NBAS: variants seen among roughly 807,000 people sequenced by gnomAD.
The protein encoded by NBAS is NAG/BC035112 fusion.
Under a neutral mutation model 302.5 loss-of-function variants are expected in NBAS, and 219 were observed. That is an observed-to-expected ratio of 0.72 (90% CI 0.65 to 0.81). NBAS has a LOEUF of 0.81. Ranked by LOEUF, NBAS falls within the 30% of genes least tolerant of loss-of-function variation. The probability of loss-of-function intolerance (pLI) is 0.00; values close to 1 mark genes in which losing one functional copy is unlikely to be tolerated. For synonymous variants in NBAS, 1,118 were observed against 1,021.6 expected (o/e 1.09, Z -1.80); for missense variants, 2,932 against 2,841.6 (o/e 1.03, Z -0.72).
intron 28 of NBAS, among the ~76,000 whole-genome samples, chr2:15,387,638 A>ATT (rs200802033): frequency 6.7e-6 from 1 of 149,550 alleles, no homozygotes; most frequent in Admixed American, 6.6e-5. Flanking sequence ...TCTGGAAATT[A>ATT]TTTTTTTTTT....
At chr2:15,494,319 T>C (rs189519267) in intron 11 of NBAS, among the ~76,000 whole-genome samples, 13 of 152,372 alleles carry the variant, frequency 8.5e-5, no homozygotes, top group Admixed American at 5.2e-4. Context: ...TAACAGAGGC[T>C]TTCTCTCTTT....
At chr2:15,389,204 G>GAT in intron 28 of NBAS, among the ~76,000 whole-genome samples, 1 of 152,258 alleles carries the variant, frequency 6.6e-6, no homozygotes, top group African/African-American at 2.4e-5. Flanking sequence ...ACTCCCAGAT[G>GAT]ACCCCAGCAA....
the NBAS span, among the ~76,000 whole-genome samples, chr2:14,837,551 T>C: frequency 2.6e-5 from 4 of 151,740 alleles, no homozygotes; most frequent in Non-Finnish European, 1.5e-5. Context: ...GCCTGAAGTT[T>C]TCTTGGTGGG....
chr2:14,991,874 C>T, the NBAS span, among the ~76,000 whole-genome samples: 34,746 of 152,096 alleles, frequency 0.23, 6,268 homozygotes, highest in African/African-American at 0.49. Context: ...AATTGTCTTT[C>T]AGGATGCGGT....
chr2:15,382,582 A>T (rs1408064254), intron 29 of NBAS, among the ~76,000 whole-genome samples: 1 of 152,176 alleles, frequency 6.6e-6, no homozygotes. Context: ...AAAGTGAGGG[A>T]AACATGAAAC....
the NBAS span, among the ~76,000 whole-genome samples, chr2:15,094,338 C>T: frequency 1.3e-5 from 2 of 152,116 alleles, no homozygotes; most frequent in Non-Finnish European, 2.9e-5. Flanking sequence ...CCATAAAAGA[C>T]ATCAATAGAA....
At chr2:15,328,015 AT>A in intron 37 of NBAS, 145 bp from the exon 38 acceptor site, 2 of 1,332,244 alleles carry the variant, frequency 1.5e-6, no homozygotes, top group Non-Finnish European at 2.1e-6. Context: ...TTTATGAAAC[AT>A]TTTTAAACAG....
At chr2:15,370,732 G>A (rs1000525062) in intron 31 of NBAS, among the ~76,000 whole-genome samples, 2 of 152,218 alleles carry the variant, frequency 1.3e-5, no homozygotes, top group Non-Finnish European at 2.9e-5. Flanking sequence ...TGGCCCCTTT[G>A]CTTTGGCCAA....
chr2:15,217,673 G>A (rs1433666208), intron 48 of NBAS, among the ~76,000 whole-genome samples: 3 of 152,306 alleles, frequency 2.0e-5, no homozygotes, highest in African/African-American at 4.8e-5. Flanking sequence ...ACTCCTGGAC[G>A]CTATGGCCTC....
At chr2:15,257,928 A>G (rs888237578) in intron 44 of NBAS, among the ~76,000 whole-genome samples, 6 of 152,216 alleles carry the variant, frequency 3.9e-5, no homozygotes, top group Non-Finnish European at 5.9e-5. Flanking sequence ...ACAATCTAAC[A>G]ATAGTCATCC....
rs561718554 is a variant in NBAS, at chr2:15,352,617, C to T, written c.4090-536G>A. On this transcript the variant is annotated intron_variant, in intron 34 of 51. Coordinates refer to ENST00000281513, the MANE Select transcript of NBAS (RefSeq NM_015909.4). ...GATTCTTCCCTTGGGGTGGGTTGTGCACACGTGCAATGGCCTGCTGGTGAT... is the reference window on the plus strand; with the variant it reads ...GATTCTTCCCTTGGGGTGGGTTGTGTACACGTGCAATGGCCTGCTGGTGAT... Among the ~76,000 whole-genome samples the T allele has an allele frequency of 8.9e-4, 135 of 152,240 alleles. 1 individual carries two copies. Among genetic ancestry groups the T allele is most frequent in the African/African-American group, 3.2e-3 (132 of 41,540 alleles).
intron 21 of NBAS, among the ~76,000 whole-genome samples, chr2:15,432,025 G>T (rs920369896): frequency 6.6e-6 from 1 of 150,602 alleles, no homozygotes; most frequent in Admixed American, 6.6e-5. Context: ...TCATGGATTC[G>T]ATTCACAATT....
chr2:15,520,516 G>A (rs894058523), intron 9 of NBAS, among the ~76,000 whole-genome samples: 1 of 151,956 alleles, frequency 6.6e-6, no homozygotes, highest in Non-Finnish European at 1.5e-5. Flanking sequence ...TAAAATAGGG[G>A]CCAGAAAACA....
At chr2:15,212,159 C>T (rs1666441295) in intron 48 of NBAS, among the ~76,000 whole-genome samples, 2 of 152,138 alleles carry the variant, frequency 1.3e-5, no homozygotes, top group African/African-American at 4.8e-5. Flanking sequence ...CTTGTTTGTT[C>T]GCAGCTAGTA....
chr2:14,852,944 C>T, the NBAS span, among the ~76,000 whole-genome samples: 90 of 145,852 alleles, frequency 6.2e-4, no homozygotes, highest in South Asian at 6.8e-4. Context: ...AAGATTTAAA[C>T]GTTAGACCTA....
the NBAS span, among the ~76,000 whole-genome samples, chr2:15,053,369 C>G: frequency 2.6e-5 from 4 of 152,102 alleles, no homozygotes; most frequent in Non-Finnish European, 5.9e-5. Flanking sequence ...AACTCAGGGG[C>G]CCCAGATTCT....
intron 40 of NBAS, among the ~76,000 whole-genome samples, chr2:15,299,754 A>AG (rs139063067): frequency 6.7e-4 from 102 of 152,348 alleles, no homozygotes; most frequent in Middle Eastern, 3.4e-3. Context: ...GTAAGATATG[A>AG]GGGAAAAAAA....
intron 29 of NBAS, among the ~76,000 whole-genome samples, chr2:15,381,190 T>C (rs1355827459): frequency 6.6e-6 from 1 of 152,174 alleles, no homozygotes; most frequent in African/African-American, 2.4e-5. Context: ...TTGGAACAGT[T>C]TGCTAAAATG....
At chr2:15,405,822 C>T (rs1264847949) in intron 25 of NBAS, among the ~76,000 whole-genome samples, 1 of 151,854 alleles carries the variant, frequency 6.6e-6, no homozygotes, top group Non-Finnish European at 1.5e-5. Flanking sequence ...ATAGTATAAA[C>T]AGAGAAAACT....
Sources: gnomAD v4.1 joint callset for allele counts (sites outside exome capture counted in the v4.1 genomes callset) on GRCh38, gnomAD v4.1.1 for gene constraint, MANE v1.5 for transcripts, NCBI Gene and HGNC (gene_info 2026-07-23, HGNC 2026-07-21) for gene names.